LIN7A: variants seen among roughly 807,000 people sequenced by gnomAD.
The protein encoded by LIN7A is protein lin-7 homolog A.
LIN7A carries 25 observed loss-of-function variants against 29.8 expected under a neutral mutation model. The observed-to-expected ratio is 0.84, with a 90% confidence interval of 0.61 to 1.17. The LOEUF is 1.17. LIN7A is among the 50% of genes most tolerant of loss of function. LIN7A has a pLI of 0.00. For missense variants in LIN7A, 239 were observed against 287.0 expected (o/e 0.83, Z 1.21); for synonymous variants, 118 against 107.5 (o/e 1.10, Z -0.60).
chr12:80,881,580 C>T (rs1036615132), intron 2 of LIN7A, among the ~76,000 whole-genome samples: 4 of 151,122 alleles, frequency 2.6e-5, no homozygotes, highest in Non-Finnish European at 4.4e-5. Context: ...AATATTTTAC[C>T]ATGAACAATT....
chr12:80,875,528 C>A lies in LIN7A; in HGVS notation c.201+13723G>T, dbSNP rs551181533. 3.3e-5 allele frequency among the ~76,000 whole-genome samples: 5 copies of A among 152,282 alleles called. No individual in the cohort carries two copies. The South Asian group carries it at 1.0e-3, about 32-fold the overall frequency. ...AACCCTGAAAATTTGGCTCTAATTACAGATCACTTTTCAAGGGTGGAAGCC... is the reference window on the plus strand; with the variant it reads ...AACCCTGAAAATTTGGCTCTAATTAAAGATCACTTTTCAAGGGTGGAAGCC... On this transcript the variant is annotated intron_variant, in intron 2 of 5. Transcript: ENST00000552864.
intron 2 of LIN7A, among the ~76,000 whole-genome samples, chr12:80,850,918 G>T (rs10862203): frequency 6.6e-6 from 1 of 151,906 alleles, no homozygotes; most frequent in East Asian, 1.9e-4. Flanking sequence ...CCATGAGCTC[G>T]GTTAATTCTC....
At chr12:80,807,921 C>A (rs1871120457) in intron 5 of LIN7A, among the ~76,000 whole-genome samples, 1 of 152,184 alleles carries the variant, frequency 6.6e-6, no homozygotes, top group Non-Finnish European at 1.5e-5. Context: ...ATTCTCACAG[C>A]AGCCAGAGCA....
At chr12:80,919,972 T>G (rs1417679363) in intron 1 of LIN7A, among the ~76,000 whole-genome samples, 1 of 152,046 alleles carries the variant, frequency 6.6e-6, no homozygotes, top group Non-Finnish European at 1.5e-5. Context: ...AGACAGAATC[T>G]CTCGGTGACA....
At chr12:80,868,186 A>C (rs1874238327) in intron 2 of LIN7A, among the ~76,000 whole-genome samples, 1 of 152,206 alleles carries the variant, frequency 6.6e-6, no homozygotes, top group South Asian at 2.1e-4. Flanking sequence ...CCATCTGCCT[A>C]GTACCAAGGT....
intron 4 of LIN7A, among the ~76,000 whole-genome samples, chr12:80,822,866 C>T (rs1387138478): frequency 6.6e-6 from 1 of 152,000 alleles, no homozygotes; most frequent in Non-Finnish European, 1.5e-5. Context: ...CTGGTGAAGC[C>T]CCACCTTCAA....
chr12:80,859,675 A>G (rs1309672474), intron 2 of LIN7A, among the ~76,000 whole-genome samples: 1 of 152,170 alleles, frequency 6.6e-6, no homozygotes, highest in Non-Finnish European at 1.5e-5. Context: ...TAAATGGATT[A>G]TATTTAGGGG....
intron 1 of LIN7A, among the ~76,000 whole-genome samples, chr12:80,917,641 C>T (rs2120849584): frequency 6.6e-6 from 1 of 151,852 alleles, no homozygotes; most frequent in African/African-American, 2.4e-5. Context: ...TTCAAATTTA[C>T]CTATTATTAT....
intron 1 of LIN7A, among the ~76,000 whole-genome samples, chr12:80,920,417 G>A (rs1463317237): frequency 6.6e-6 from 1 of 152,124 alleles, no homozygotes; most frequent in Non-Finnish European, 1.5e-5. Flanking sequence ...TACAACAATA[G>A]CACCAAAGAT....
chr12:80,935,382 A>G (rs1004478224), intron 1 of LIN7A, among the ~76,000 whole-genome samples: 1 of 152,150 alleles, frequency 6.6e-6, no homozygotes, highest in Non-Finnish European at 1.5e-5. Context: ...AACTCTAATT[A>G]ATTGAATTAT....
chr12:80,847,277 G>A (rs746240969), intron 3 of LIN7A, among the ~76,000 whole-genome samples: 23 of 152,118 alleles, frequency 1.5e-4, no homozygotes, highest in Non-Finnish European at 2.9e-4. Context: ...ATTAAACCAC[G>A]TAGGGATCAT....
intron 2 of LIN7A, among the ~76,000 whole-genome samples, chr12:80,877,621 G>A (rs1216093283): frequency 6.6e-6 from 1 of 152,096 alleles, no homozygotes; most frequent in African/African-American, 2.4e-5. Flanking sequence ...AAGGAAGGAA[G>A]AGAGGGAAGA....
chr12:80,840,401 G>A (rs1329683034), intron 4 of LIN7A, among the ~76,000 whole-genome samples: 6 of 152,118 alleles, frequency 3.9e-5, no homozygotes, highest in Non-Finnish European at 5.9e-5. Context: ...TCTCACCTGC[G>A]TGCACGTGTG....
intron 1 of LIN7A, among the ~76,000 whole-genome samples, chr12:80,931,305 CT>C (rs1204853042): frequency 6.6e-6 from 1 of 152,146 alleles, no homozygotes; most frequent in East Asian, 1.9e-4. Context: ...AACCAAAATG[CT>C]TTAGAGATTT....
At chr12:80,833,877 C>G (rs558965455) in intron 4 of LIN7A, among the ~76,000 whole-genome samples, 125 of 152,292 alleles carry the variant, frequency 8.2e-4, no homozygotes, top group African/African-American at 2.9e-3. Flanking sequence ...ACACTGTCCA[C>G]AGTACCAAAT....
At chr12:80,860,235 T>A (rs1873795695) in intron 2 of LIN7A, among the ~76,000 whole-genome samples, 1 of 152,220 alleles carries the variant, frequency 6.6e-6, no homozygotes, top group South Asian at 2.1e-4. Flanking sequence ...CCCCAGTGTG[T>A]GCCAATAATA....
At chr12:80,836,930 C>T (rs904709816) in intron 4 of LIN7A, among the ~76,000 whole-genome samples, 11 of 151,156 alleles carry the variant, frequency 7.3e-5, no homozygotes, top group Admixed American at 2.0e-4. Flanking sequence ...CATGTTTTCA[C>T]GTACATTTTT....
At chr12:80,883,612 T>G (rs1199856088) in intron 2 of LIN7A, among the ~76,000 whole-genome samples, 1 of 152,216 alleles carries the variant, frequency 6.6e-6, no homozygotes, top group Non-Finnish European at 1.5e-5. Flanking sequence ...TACTCTTTAA[T>G]AATGATAAAA....
At chr12:80,852,782 C>T (rs1873394874) in intron 2 of LIN7A, among the ~76,000 whole-genome samples, 1 of 152,178 alleles carries the variant, frequency 6.6e-6, no homozygotes, top group Admixed American at 6.5e-5. Flanking sequence ...GAGGCAGACA[C>T]TAGACAGACT....
Sources: allele counts gnomAD v4.1 joint callset (sites outside exome capture counted in the v4.1 genomes callset), GRCh38; gene constraint gnomAD v4.1.1; transcripts MANE v1.5; gene names NCBI Gene and HGNC (gene_info 2026-07-23, HGNC 2026-07-21).